Variants in AKAP9 observed in about 807,000 individuals in gnomAD.
AKAP9 encodes A-kinase anchor protein 9.
In AKAP9, 311 loss-of-function variants were observed where a neutral mutation model predicts 488.5. The ratio of observed to expected loss-of-function variants is 0.64; its 90% CI spans 0.58 to 0.70. The LOEUF (loss-of-function observed/expected upper bound fraction) is 0.70. Among genes scored for constraint, AKAP9 ranks in the 30% least tolerant of loss-of-function variants. The pLI, the probability that AKAP9 is intolerant of heterozygous loss-of-function variation, is 0.00. For synonymous variants in AKAP9, 1,462 were observed against 1,483.5 expected (o/e 0.99, Z 0.33); for missense variants, 4,215 against 4,374.5 (o/e 0.96, Z 1.03).
chr7:91,940,889 C>G lies in AKAP9; in HGVS notation c.-211C>G. ...GTTTACGTGGAGACGAAGATGGCGG[C>G]GGCGGCGGCGGTGACGGCGCTTCCC... On this transcript the variant is annotated 5_prime_UTR_variant, in exon 1 of 50. Coordinates refer to ENST00000356239, the MANE Select transcript of AKAP9 (RefSeq NM_005751.5). The G allele has an allele frequency of 1.7e-6, 1 of 603,138 alleles. No individual in the cohort carries two copies. Among genetic ancestry groups the G allele is most frequent in the East Asian group, 2.8e-5 (1 of 35,300 alleles). 37.4% of individuals were successfully genotyped at this position (603,138 alleles called of 1,614,324 possible). A position where few individuals can be genotyped will look rare whatever the true frequency, so the allele number is the denominator to read the frequency against.
chr7:92,016,669 A>G lies in AKAP9; in HGVS notation c.3752-348A>G, dbSNP rs549419250. On this transcript the variant is annotated intron_variant, in intron 11 of 49. Coordinates refer to ENST00000356239, the MANE Select transcript of AKAP9 (RefSeq NM_005751.5). ...TAAAAAATATATTAGTATCTTTCTT[A>G]ATATAGATCTGCTATAAGTTTGTTT... Among the ~76,000 whole-genome samples the G allele has an allele frequency of 6.6e-5, 10 of 152,194 alleles. No homozygotes were observed. In the East Asian group the frequency reaches 1.9e-3, roughly 29 times the overall value.
At chr7:91,960,716 T>C (rs1562898445) in intron 1 of AKAP9, among the ~76,000 whole-genome samples, 2 of 152,232 alleles carry the variant, frequency 1.3e-5, no homozygotes, top group Non-Finnish European at 2.9e-5. Context: ...TTTATACCTC[T>C]TTTATTCCTC....
chr7:91,950,628 A>G (rs1792121767), intron 1 of AKAP9, among the ~76,000 whole-genome samples: 1 of 152,172 alleles, frequency 6.6e-6, no homozygotes, highest in Non-Finnish European at 1.5e-5. Context: ...GTAGTTCTCC[A>G]TATGTATCAT....
chr7:92,103,547 T>C (rs1334790241), intron 46 of AKAP9, among the ~76,000 whole-genome samples: 1 of 151,024 alleles, frequency 6.6e-6, no homozygotes, highest in East Asian at 2.0e-4. Flanking sequence ...ACAAAAAAAT[T>C]AGCCAGGCGT....
rs1799532409 is a variant in AKAP9, at chr7:92,004,302, C to T, written c.3318+1067C>T. On this transcript the variant is annotated intron_variant, in intron 8 of 49. Transcript: ENST00000356239. ...GGCAATGTGGGCTCTTTTTTGGTTC[C>T]TTATGAACTTTAAAGTAGTTTTTTC... Among the ~76,000 whole-genome samples, 2 of 152,074 alleles carry T rather than the reference C, an allele frequency of 1.3e-5. 1 individual carries two copies. The highest frequency in any genetic ancestry group is 4.1e-4 in the South Asian group (2 of 4,824).
intron 9 of AKAP9, among the ~76,000 whole-genome samples, chr7:92,013,099 C>T (rs1487072575): frequency 2.1e-5 from 3 of 143,428 alleles, no homozygotes; most frequent in African/African-American, 5.1e-5. Flanking sequence ...TCACGCCATT[C>T]TCCTGCCTCA....
intron 16 of AKAP9, among the ~76,000 whole-genome samples, chr7:92,036,868 A>G (rs1367735007): frequency 2.0e-5 from 3 of 152,174 alleles, no homozygotes; most frequent in African/African-American, 7.2e-5. Context: ...TTTTGCCGTA[A>G]TGGGTATATG....
chr7:92,097,959 ACTAT>A lies in AKAP9; in HGVS notation c.10608-146_10608-143del, dbSNP rs965647746. The stretch of plus-strand genomic sequence containing the variant: ...AACAGAACTCAAATGTCTGAAAACA[ACTAT>A]CTAACACTTTGACCCAGGGAAGAAA... On this transcript the variant is annotated intron_variant, in intron 42 of 49. Coordinates refer to ENST00000356239, the MANE Select transcript of AKAP9 (RefSeq NM_005751.5). The A allele has an allele frequency of 1.4e-5, 12 of 851,884 alleles. No individual in the cohort carries two copies. In the African/African-American group the frequency reaches 1.7e-4, roughly 12 times the overall value. The allele number at this position is 851,884 out of a possible 1,614,324, so 52.8% of individuals were successfully genotyped here.
intron 26 of AKAP9, among the ~76,000 whole-genome samples, chr7:92,067,962 A>G (rs1811024913): frequency 6.6e-6 from 1 of 152,186 alleles, no homozygotes; most frequent in South Asian, 2.1e-4. Flanking sequence ...GTAATTTCTA[A>G]ACAGTTCAGT....
intron 1 of AKAP9, among the ~76,000 whole-genome samples, chr7:91,962,212 A>C (rs1793819313): frequency 6.6e-6 from 1 of 152,166 alleles, no homozygotes; most frequent in African/African-American, 2.4e-5. Flanking sequence ...AAATAGCTTA[A>C]ATATCTATTA....
intron 14 of AKAP9, among the ~76,000 whole-genome samples, chr7:92,026,623 G>A (rs547201547): frequency 9.8e-5 from 15 of 152,296 alleles, no homozygotes; most frequent in Admixed American, 3.9e-4. Flanking sequence ...ACGGAGTCTC[G>A]CTCACTCAGT....
intron 2 of AKAP9, among the ~76,000 whole-genome samples, chr7:91,976,412 G>A (rs371249055): frequency 7.9e-5 from 12 of 151,976 alleles, no homozygotes; most frequent in Admixed American, 3.9e-4. Flanking sequence ...TTGTAGAGAC[G>A]GAGTTTTGCC....
intron 14 of AKAP9, among the ~76,000 whole-genome samples, chr7:92,025,324 G>T (rs535495308): frequency 4.6e-5 from 7 of 152,252 alleles, no homozygotes; most frequent in Admixed American, 3.9e-4. Flanking sequence ...CCCTCTCTCA[G>T]AGTTTCTATA....
chr7:92,081,683 A>G (rs1248678671), intron 31 of AKAP9, among the ~76,000 whole-genome samples: 2 of 151,796 alleles, frequency 1.3e-5, no homozygotes, highest in African/African-American at 4.8e-5. Context: ...TTAAGTAAAA[A>G]TGCGTAGTTG....
chr7:91,992,678 A>AAAAC (rs1562946590), intron 4 of AKAP9, among the ~76,000 whole-genome samples: 4 of 143,720 alleles, frequency 2.8e-5, no homozygotes, highest in Non-Finnish European at 3.0e-5. Context: ...AAAAAAAAAA[A>AAAAC]AAAAAAACTC....
At chr7:91,941,754 T>C (rs1184304508) in intron 1 of AKAP9, among the ~76,000 whole-genome samples, 3 of 152,220 alleles carry the variant, frequency 2.0e-5, no homozygotes, top group Non-Finnish European at 4.4e-5. Context: ...TGCGCTTTTG[T>C]GTCCTATGGA....
At chr7:92,109,674 A>G (rs2130929900) in intron 49 of AKAP9, among the ~76,000 whole-genome samples, 1 of 152,316 alleles carries the variant, frequency 6.6e-6, no homozygotes, top group South Asian at 2.1e-4. Flanking sequence ...GCGGTGGCTC[A>G]TGCCTGTAAT....
chr7:92,023,074 C>G, intron 14 of AKAP9, 65 bp downstream of exon 14: 1 of 1,527,112 alleles, frequency 6.5e-7, no homozygotes. Context: ...TAGTATCATC[C>G]AGAATGGTTA....
rs1355636906 is a variant in AKAP9 at position 92,001,241 on chromosome 7, G to A, written c.1324G>A (p.Gly442Arg). The change falls in exon 8 of 50, where the codon GGG (glycine) becomes AGG (arginine). Residue 442 changes from glycine (G) to arginine (R), a missense_variant. Transcript: ENST00000356239. ...CCGGGCAGAGCTGGATGAGATGTAT[G>A]GGCAGCAGATAGTGCAAATGAAACA... ...QLRAELDEMYGQQIVQMKQEL... is the reference protein window; with the variant it reads ...QLRAELDEMYRQQIVQMKQEL... 1.2e-6 allele frequency: 2 copies of A among 1,613,944 alleles called. No homozygotes were observed. Among genetic ancestry groups the A allele is most frequent in the South Asian group, 1.1e-5 (1 of 91,070 alleles).
Sources: gnomAD v4.1 joint callset for allele counts (sites outside exome capture counted in the v4.1 genomes callset) on GRCh38, gnomAD v4.1.1 for gene constraint, MANE v1.5 for transcripts, NCBI Gene and HGNC (gene_info 2026-07-23, HGNC 2026-07-21) for gene names.